The following NTM variants were observed in gnomAD, a reference collection of about 807,000 sequenced individuals.
The protein encoded by NTM is IgLON family member 2.
NTM carries 13 observed loss-of-function variants against 42.1 expected under a neutral mutation model. The observed-to-expected ratio is 0.31, with a 90% CI of 0.20 to 0.49. NTM has a LOEUF of 0.49. Among genes scored for constraint, NTM ranks in the 20% least tolerant of loss-of-function variants. The pLI is 0.99. For missense variants in NTM, 373 were observed against 452.8 expected, an observed-to-expected ratio of 0.82 and a Z score of 1.60; for synonymous variants, 187 against 179.2, an observed-to-expected ratio of 1.04 and a Z score of -0.35.
At chr11:132,008,007 GT>G (rs1565935657) in intron 2 of NTM, among the ~76,000 whole-genome samples, 1 of 152,130 alleles carries the variant, frequency 6.6e-6, no homozygotes, top group Admixed American at 6.6e-5. Flanking sequence ...TTAGGTGGGC[GT>G]TGCTTCGATT....
chr11:132,114,192 G>C (rs1040357528), intron 2 of NTM, among the ~76,000 whole-genome samples: 2 of 152,140 alleles, frequency 1.3e-5, no homozygotes, highest in South Asian at 4.1e-4. Flanking sequence ...TCTTGCTTTT[G>C]ACATGACATC....
intron 2 of NTM, among the ~76,000 whole-genome samples, chr11:132,021,250 A>G (rs1378557538): frequency 6.6e-6 from 1 of 151,320 alleles, no homozygotes; most frequent in Non-Finnish European, 1.5e-5. Flanking sequence ...CCTTTGTTAG[A>G]CTCTCTACAT....
rs780844735 is a variant in NTM at position 132,107,339 on chromosome 11, CTTTTTTTTTTT to C, written c.168-38924_168-38914del. Among the ~76,000 whole-genome samples, 10 of 88,856 alleles carry C rather than the reference CTTTTTTTTTTT, an allele frequency of 1.1e-4. No individual in the cohort carries two copies. In the East Asian group the frequency reaches 1.6e-3, roughly 14 times the overall value. 58.3% of individuals were successfully genotyped at this position (88,856 alleles called of 152,430 possible). ...TGGTAGTTCAAGTAAAAGATTTATC[CTTTTTTTTTTT>C]TTTTTTTTTTTTTTTTTTGAGACAG... On this transcript the variant is annotated intron_variant, in intron 2 of 8. Transcript: ENST00000683400.
At chr11:131,434,664 A>C (rs368295534) in intron 1 of NTM, among the ~76,000 whole-genome samples, 1 of 152,250 alleles carries the variant, frequency 6.6e-6, no homozygotes, top group East Asian at 1.9e-4. Context: ...AATTTGTTTA[A>C]GTTCTTTGTA....
chr11:131,389,482 C>T (rs896782895), intron 1 of NTM, among the ~76,000 whole-genome samples: 5 of 152,176 alleles, frequency 3.3e-5, no homozygotes, highest in South Asian at 2.1e-4. Context: ...CCCTACTTCC[C>T]GCTGTGCTTC....
intron 1 of NTM, among the ~76,000 whole-genome samples, chr11:131,747,520 G>A (rs920989738): frequency 9.9e-5 from 15 of 152,128 alleles, no homozygotes; most frequent in African/African-American, 3.4e-4. Context: ...CTCGGCCTTC[G>A]TTGTTCTCCT....
At chr11:132,169,320 CTTTTTTTTTTTTTTTTTTT>C (rs567723794) in intron 3 of NTM, among the ~76,000 whole-genome samples, 12 of 32,378 alleles carry the variant, frequency 3.7e-4, no homozygotes, top group East Asian at 7.7e-4. Context: ...AATTTTTTTA[CTTTTTTTTTTTTTTTTTTT>C]TTTTTTTTTT....
intron 2 of NTM, among the ~76,000 whole-genome samples, chr11:132,068,104 C>G (rs2056798765): frequency 6.6e-6 from 1 of 152,214 alleles, no homozygotes; most frequent in Admixed American, 6.5e-5. Flanking sequence ...CCATTCCCTT[C>G]AGTTCTAGCA....
chr11:131,591,418 G>T (rs1025021406), intron 1 of NTM, among the ~76,000 whole-genome samples: 9 of 152,234 alleles, frequency 5.9e-5, no homozygotes, highest in Admixed American at 5.9e-4. Context: ...AGTCCATGGA[G>T]CTGAGCTGGG....
Position 131,535,900 on chromosome 11 carries a change from T to C in NTM, c.82+165012T>C, listed in dbSNP as rs573595506. 2.0e-5 allele frequency: 3 copies of C among 152,350 alleles called. No homozygotes were observed. The South Asian group carries it at 6.2e-4, about 32-fold the overall frequency. The allele number at this position is 152,350 out of a possible 1,614,324, so 9.4% of individuals were successfully genotyped here. A position where few individuals can be genotyped will look rare whatever the true frequency, so the allele number is the denominator to read the frequency against. ...GACTTACTGTGTTGCCACTGGCATA[T>C]AGGTCTGATATCCGTGGAAGAACTG... On this transcript the variant is annotated intron_variant, in intron 1 of 8. Transcript: ENST00000683400.
chr11:131,636,598 G>A (rs114526755), intron 1 of NTM, among the ~76,000 whole-genome samples: 274 of 152,288 alleles, frequency 1.8e-3, no homozygotes, highest in African/African-American at 6.2e-3. Flanking sequence ...CTTTTGAAAC[G>A]TGTGCTTGCA....
chr11:131,803,753 C>T (rs887223915), intron 1 of NTM, among the ~76,000 whole-genome samples: 4 of 152,368 alleles, frequency 2.6e-5, no homozygotes, highest in Non-Finnish European at 4.4e-5. Flanking sequence ...TTCCTGCCTC[C>T]CCCGAACCTG....
At chr11:132,116,225 C>CA (rs2063867569) in intron 2 of NTM, among the ~76,000 whole-genome samples, 1 of 152,196 alleles carries the variant, frequency 6.6e-6, no homozygotes, top group Non-Finnish European at 1.5e-5. Context: ...CCCACTTCCA[C>CA]ACACTCCATA....
intron 1 of NTM, among the ~76,000 whole-genome samples, chr11:131,709,052 GA>G (rs1163208246): frequency 6.6e-6 from 1 of 151,976 alleles, no homozygotes; most frequent in African/African-American, 2.4e-5. Context: ...TCTATACAGG[GA>G]AAAAAAGGTG....
intron 4 of NTM, among the ~76,000 whole-genome samples, chr11:132,264,930 C>A (rs1486344291): frequency 6.6e-6 from 1 of 152,140 alleles, no homozygotes; most frequent in African/African-American, 2.4e-5. Flanking sequence ...CCTGTCCCAC[C>A]AGCAGGCCCC....
At chr11:131,870,532 G>A (rs2019708) in intron 1 of NTM, among the ~76,000 whole-genome samples, 14,013 of 152,080 alleles carry the variant, frequency 0.092, 869 homozygotes, top group East Asian at 0.31. Context: ...TGGATTCCAG[G>A]CTGTGAGCCA....
chr11:131,907,977 C>T (rs1305402491), intron 1 of NTM, among the ~76,000 whole-genome samples: 3 of 152,176 alleles, frequency 2.0e-5, no homozygotes, highest in Non-Finnish European at 2.9e-5. Flanking sequence ...ATTATGTGGG[C>T]ATCTCTGACC....
intron 4 of NTM, among the ~76,000 whole-genome samples, chr11:132,222,198 C>T (rs1040777560): frequency 2.0e-5 from 3 of 152,166 alleles, no homozygotes; most frequent in Non-Finnish European, 4.4e-5. Flanking sequence ...GGAGGTTGGA[C>T]TTCTTCCTCA....
rs1267931872 is a variant in NTM, at chr11:131,598,867, TCCTTCCTTCTTCCTTCCTTCCTTC to T, written c.82+227981_82+228004del. ...TTTCTTTCTTCCTTCCTTCCTTCCT[TCCTTCCTTCTTCCTTCCTTCCTTC>T]CTTCCTTCCTTCCTTCCTTCCTTCC... On this transcript the variant is annotated intron_variant, in intron 1 of 8. Transcript: ENST00000683400. Among the ~76,000 whole-genome samples the T allele has an allele frequency of 1.6e-4, 11 of 70,826 alleles. 1 individual carries two copies. Among genetic ancestry groups the T allele is most frequent in the African/African-American group, 6.0e-4 (11 of 18,330 alleles). 46.5% of individuals were successfully genotyped at this position (70,826 alleles called of 152,430 possible).
Sources: allele counts gnomAD v4.1 joint callset (sites outside exome capture counted in the v4.1 genomes callset), GRCh38; gene constraint gnomAD v4.1.1; transcripts MANE v1.5; gene names NCBI Gene and HGNC (gene_info 2026-07-23, HGNC 2026-07-21).